FOXP1: variants seen among roughly 807,000 people sequenced by gnomAD.
FOXP1 encodes the protein forkhead box protein P1.
Under a neutral mutation model 98.2 loss-of-function variants are expected in FOXP1, and 15 were observed. The ratio of observed to expected loss-of-function variants is 0.15; its 90% confidence interval spans 0.10 to 0.24. FOXP1 has a LOEUF of 0.24. Among genes scored for constraint, FOXP1 ranks in the 10% least tolerant of loss-of-function variants. The pLI, the probability that FOXP1 is intolerant of heterozygous loss-of-function variation, is 1.00. For missense variants in FOXP1, 633 were observed against 848.5 expected, an observed-to-expected ratio of 0.75 and a Z score of 3.15; for synonymous variants, 371 against 314.5, an observed-to-expected ratio of 1.18 and a Z score of -1.90.
chr3:71,271,796 A>G (rs2070383613), intron 5 of FOXP1, among the ~76,000 whole-genome samples: 1 of 152,224 alleles, frequency 6.6e-6, no homozygotes, highest in African/African-American at 2.4e-5. Context: ...TTACAGGGAG[A>G]AACTCATAAC....
intron 4 of FOXP1, among the ~76,000 whole-genome samples, chr3:71,317,664 A>AT (rs987096173): frequency 1.2e-4 from 17 of 143,720 alleles, no homozygotes; most frequent in Non-Finnish European, 2.0e-4. Context: ...GTGAGAGTTA[A>AT]TTTTTTTTTT....
At chr3:71,562,181 T>C (rs2046592404) in intron 2 of FOXP1, among the ~76,000 whole-genome samples, 2 of 152,208 alleles carry the variant, frequency 1.3e-5, no homozygotes. Context: ...TGTTTCTGCC[T>C]GGACAGGGAG....
At chr3:71,491,996 G>A (rs915686424) in intron 3 of FOXP1, among the ~76,000 whole-genome samples, 1 of 152,088 alleles carries the variant, frequency 6.6e-6, no homozygotes, top group African/African-American at 2.4e-5. Flanking sequence ...TGACCAAATA[G>A]CTATGGTCCA....
chr3:71,548,394 C>T lies in FOXP1; in HGVS notation c.-298+33155G>A, dbSNP rs559202674. 3.3e-3 allele frequency among the ~76,000 whole-genome samples: 497 copies of T among 151,486 alleles called. 1 individual carries two copies. The highest frequency in any genetic ancestry group is 6.8e-3 in the Middle Eastern group (2 of 294). Reference sequence around the variant, plus strand: ...TTCAACGTATTTCCTGTCCCCCTTCCTCAACTGTTTTTGTTTTTGTTTTTA... The same window carrying T: ...TTCAACGTATTTCCTGTCCCCCTTCTTCAACTGTTTTTGTTTTTGTTTTTA... On this transcript the variant is annotated intron_variant, in intron 2 of 20. Coordinates refer to ENST00000649528, the MANE Select transcript of FOXP1 (RefSeq NM_001349338.3).
rs189336101 is a variant in FOXP1 at position 70,996,549 on chromosome 3, G to A, written c.1062+4423C>T. Among the ~76,000 whole-genome samples the A allele has an allele frequency of 6.6e-5, 10 of 152,316 alleles. No individual in the cohort carries two copies. The East Asian group carries it at 1.5e-3, about 23-fold the overall frequency. Reference sequence around the variant, plus strand: ...AAAATTGCATCTTTTTCTTTAGGGAGGTTTGTCTGATAGATCAGAGACACA... The same window carrying A: ...AAAATTGCATCTTTTTCTTTAGGGAAGTTTGTCTGATAGATCAGAGACACA... On this transcript the variant is annotated intron_variant, in intron 13 of 20. Coordinates refer to ENST00000649528, the MANE Select transcript of FOXP1 (RefSeq NM_001349338.3).
At chr3:71,446,450 C>T (rs549759444) in intron 3 of FOXP1, among the ~76,000 whole-genome samples, 14 of 151,958 alleles carry the variant, frequency 9.2e-5, no homozygotes, top group Non-Finnish European at 2.1e-4. Flanking sequence ...GAGCCTCTGC[C>T]CTAAGGAGGG....
chr3:71,129,085 C>G (rs59086576), intron 6 of FOXP1, among the ~76,000 whole-genome samples: 2 of 152,062 alleles, frequency 1.3e-5, no homozygotes, highest in African/African-American at 4.8e-5. Context: ...AAAAACAAAA[C>G]GAGCGAGCTG....
intron 3 of FOXP1, among the ~76,000 whole-genome samples, chr3:71,425,180 A>C (rs2084039678): frequency 6.6e-6 from 1 of 152,080 alleles, no homozygotes; most frequent in South Asian, 2.1e-4. Context: ...CAGTGGCACA[A>C]TCTCGGCTCA....
In FOXP1 at chr3:71,166,342, C is replaced by T. The variant is rs78580624; in HGVS notation, c.180+31860G>A. Among the ~76,000 whole-genome samples the T allele has an allele frequency of 3.3e-3, 495 of 152,294 alleles. 5 individuals are homozygous for T. The highest frequency in any genetic ancestry group is 5.3e-3 in the Non-Finnish European group (358 of 68,024). ...ACAGAGCCATGAATCATTAATGACA[C>T]CTGGAAACCTGTTACGGCCCCCATC... On this transcript the variant is annotated intron_variant, in intron 6 of 20. Transcript: ENST00000649528.
intron 1 of FOXP1, chr3:71,582,809 G>A: frequency 1.0e-6 from 1 of 984,732 alleles, no homozygotes; most frequent in South Asian, 4.7e-5. Flanking sequence ...TGAATTTTCC[G>A]GGCTCCGAGG....
intron 6 of FOXP1, among the ~76,000 whole-genome samples, chr3:71,181,468 T>C (rs2062286361): frequency 6.6e-6 from 1 of 152,240 alleles, no homozygotes; most frequent in African/African-American, 2.4e-5. Flanking sequence ...CTGTGAGAGA[T>C]GGCAAAACTT....
At chr3:71,060,829 T>C (rs2051368226) in intron 7 of FOXP1, among the ~76,000 whole-genome samples, 1 of 152,282 alleles carries the variant, frequency 6.6e-6, no homozygotes, top group Non-Finnish European at 1.5e-5. Context: ...ACCAAGGTAT[T>C]CTAAAAAGCT....
At chr3:71,097,711 C>T (rs903921325) in intron 7 of FOXP1, among the ~76,000 whole-genome samples, 5 of 152,132 alleles carry the variant, frequency 3.3e-5, no homozygotes, top group African/African-American at 1.2e-4. Context: ...GCCACTGACA[C>T]AATCCAGGGA....
chr3:70,971,242 A>ACTGC (rs956151966), intron 18 of FOXP1: 1 of 247,196 alleles, frequency 4.0e-6, no homozygotes, highest in African/African-American at 2.2e-5. Context: ...CTTTACAGTG[A>ACTGC]CTGCTAGAGG....
At chr3:71,099,100 G>C (rs2056734012) in intron 7 of FOXP1, among the ~76,000 whole-genome samples, 1 of 152,162 alleles carries the variant, frequency 6.6e-6, no homozygotes, top group Non-Finnish European at 1.5e-5. Context: ...TTACCCAAAA[G>C]TTGATTATAA....
intron 11 of FOXP1, among the ~76,000 whole-genome samples, chr3:71,019,048 T>C (rs1451709083): frequency 1.3e-5 from 2 of 152,194 alleles, no homozygotes; most frequent in Admixed American, 6.5e-5. Context: ...TGAAGCATCA[T>C]TGGACAACAC....
intron 7 of FOXP1, among the ~76,000 whole-genome samples, chr3:71,071,653 A>T (rs867373165): frequency 1.3e-5 from 2 of 152,078 alleles, no homozygotes; most frequent in Non-Finnish European, 2.9e-5. Context: ...GGCTCACTGC[A>T]ACCTCCGCCC....
rs1185806751 is a variant in FOXP1, at chr3:71,193,179, G to A, written c.180+5023C>T. On this transcript the variant is annotated intron_variant, in intron 6 of 20. Coordinates refer to ENST00000649528, the MANE Select transcript of FOXP1 (RefSeq NM_001349338.3). ...TGTTTTTTTTTTGAGACGGAGTCTT[G>A]CTCTGTTGCCCAGGCTGGAGTGCAG... is the stretch of plus-strand genomic sequence containing the variant. Among the ~76,000 whole-genome samples the A allele has an allele frequency of 1.9e-3, 279 of 144,968 alleles. 2 individuals are homozygous for A. The highest frequency in any genetic ancestry group is 6.6e-3 in the African/African-American group (244 of 36,938).
intron 3 of FOXP1, among the ~76,000 whole-genome samples, chr3:71,397,095 T>TATATACATATATATATGTGTATATAC (rs2081574732): frequency 8.1e-6 from 1 of 123,100 alleles, no homozygotes; most frequent in Admixed American, 8.5e-5. Flanking sequence ...TGTATATATA[T>TATATACATATATATATGTGTATATAC]ATATACATAT....
Sources: gnomAD v4.1 joint callset for allele counts (sites outside exome capture counted in the v4.1 genomes callset) on GRCh38, gnomAD v4.1.1 for gene constraint, MANE v1.5 for transcripts, NCBI Gene and HGNC (gene_info 2026-07-23, HGNC 2026-07-21) for gene names.